Variants in BNC2 observed in about 807,000 individuals in gnomAD.
BNC2 encodes basonuclin zinc finger protein 2, also known as zinc finger protein basonuclin-2.
In BNC2, 20 loss-of-function variants were observed where a neutral mutation model predicts 76.3. The ratio of observed to expected loss-of-function variants is 0.26; its 90% CI spans 0.18 to 0.38. The LOEUF is 0.38. Among genes scored for constraint, BNC2 ranks in the 10% least tolerant of loss-of-function variants. The probability of loss-of-function intolerance (pLI) is 1.00; values close to 1 mark genes in which losing one functional copy is unlikely to be tolerated. For missense variants in BNC2, 1,382 were observed against 1,399.8 expected, an observed-to-expected ratio of 0.99 and a Z score of 0.20; for synonymous variants, 582 against 514.8, an observed-to-expected ratio of 1.13 and a Z score of -1.77.
At chr9:16,780,929 C>G (rs1025736853) in intron 1 of BNC2, among the ~76,000 whole-genome samples, 6 of 151,932 alleles carry the variant, frequency 3.9e-5, no homozygotes, top group Non-Finnish European at 7.4e-5. Flanking sequence ...AATAACAGAT[C>G]TATTCCAATT....
chr9:16,747,937 T>G (rs1004170479), intron 1 of BNC2, among the ~76,000 whole-genome samples: 3 of 152,218 alleles, frequency 2.0e-5, no homozygotes, highest in African/African-American at 7.2e-5. Context: ...ACATTTGCCT[T>G]CTTCCCAGTT....
chr9:16,742,278 A>ATCT (rs1425909918), intron 1 of BNC2, among the ~76,000 whole-genome samples: 2 of 152,222 alleles, frequency 1.3e-5, no homozygotes, highest in Non-Finnish European at 2.9e-5. Context: ...ATGTGGAATA[A>ATCT]TTTCACTTCA....
intron 1 of BNC2, among the ~76,000 whole-genome samples, chr9:16,801,438 A>G (rs138150098): frequency 0.015 from 2,215 of 151,084 alleles, 54 homozygotes; most frequent in African/African-American, 0.051. Context: ...GGGTTTCACC[A>G]TCTTGGCCAG....
chr9:16,678,075 T>C (rs1209525882), intron 3 of BNC2, among the ~76,000 whole-genome samples: 1 of 149,530 alleles, frequency 6.7e-6, no homozygotes, highest in African/African-American at 2.5e-5. Flanking sequence ...AAAGAGAGAA[T>C]AATGGAAAGG....
rs148422965 is a variant in BNC2 at position 16,689,662 on chromosome 9, G to A, written c.330+38135C>T. Among the ~76,000 whole-genome samples, 18 of 152,058 alleles carry A rather than the reference G, an allele frequency of 1.2e-4. No individual in the cohort carries two copies. In the East Asian group the frequency reaches 1.5e-3, roughly 13 times the overall value. On this transcript the variant is annotated intron_variant, in intron 3 of 6. Coordinates refer to ENST00000380672, the MANE Select transcript of BNC2 (RefSeq NM_017637.6). ...TGTAAGTTTAAAAAAAAAAAAAGAGGGAGAGAGATAAACAGAAATAAAGCC... is the reference window on the plus strand; with the variant it reads ...TGTAAGTTTAAAAAAAAAAAAAGAGAGAGAGAGATAAACAGAAATAAAGCC...
At chr9:16,563,373 C>G (rs1819071488) in intron 4 of BNC2, among the ~76,000 whole-genome samples, 1 of 152,120 alleles carries the variant, frequency 6.6e-6, no homozygotes, top group Non-Finnish European at 1.5e-5. Context: ...AATCCTAGCA[C>G]TTTGGGAGGC....
At chr9:16,496,993 G>A (rs1822404620) in intron 5 of BNC2, among the ~76,000 whole-genome samples, 1 of 152,210 alleles carries the variant, frequency 6.6e-6, no homozygotes, top group Non-Finnish European at 1.5e-5. Flanking sequence ...AGATATGCAC[G>A]ATGCTCTTTT....
chr9:16,655,230 T>A (rs1035775546), intron 3 of BNC2, among the ~76,000 whole-genome samples: 1 of 152,140 alleles, frequency 6.6e-6, no homozygotes, highest in Non-Finnish European at 1.5e-5. Context: ...AAATGCTTCA[T>A]GACCATGCTA....
At chr9:16,670,978 A>C (rs1026704641) in intron 3 of BNC2, among the ~76,000 whole-genome samples, 7 of 152,134 alleles carry the variant, frequency 4.6e-5, no homozygotes, top group Admixed American at 2.6e-4. Context: ...GCTTCCTGAC[A>C]ACCTGAAGAC....
At chr9:16,663,961 G>A (rs940215372) in intron 3 of BNC2, among the ~76,000 whole-genome samples, 2 of 152,138 alleles carry the variant, frequency 1.3e-5, no homozygotes, top group Admixed American at 6.5e-5. Flanking sequence ...AAACAAGGGA[G>A]GAGGTAAGCC....
At chr9:16,435,154 C>A in intron 6 of BNC2, 1 of 428,234 alleles carries the variant, frequency 2.3e-6, no homozygotes, top group South Asian at 1.9e-5. Context: ...AATTAAAAAG[C>A]CACATGGCAA....
intron 3 of BNC2, among the ~76,000 whole-genome samples, chr9:16,639,394 C>A (rs1457866808): frequency 2.0e-5 from 3 of 152,180 alleles, no homozygotes; most frequent in African/African-American, 7.2e-5. Context: ...ATGTTTGTTT[C>A]TGTAGACATA....
chr9:16,468,995 A>G (rs1821757438), intron 5 of BNC2, among the ~76,000 whole-genome samples: 1 of 152,346 alleles, frequency 6.6e-6, no homozygotes, highest in South Asian at 2.1e-4. Flanking sequence ...CTGAATGAAT[A>G]TATCTAGTTA....
chr9:16,665,995 A>G (rs1017286149), intron 3 of BNC2, among the ~76,000 whole-genome samples: 5 of 152,178 alleles, frequency 3.3e-5, no homozygotes, highest in Non-Finnish European at 5.9e-5. Flanking sequence ...TTATCTGGTA[A>G]ATTATCCCCA....
chr9:16,588,107 C>T (rs541214805), intron 3 of BNC2, among the ~76,000 whole-genome samples: 2 of 152,262 alleles, frequency 1.3e-5, no homozygotes, highest in African/African-American at 4.8e-5. Context: ...CCCGCTTCCT[C>T]ATCTGTAAAA....
intron 5 of BNC2, among the ~76,000 whole-genome samples, chr9:16,484,990 A>G (rs1291903412): frequency 6.6e-6 from 1 of 152,190 alleles, no homozygotes; most frequent in African/African-American, 2.4e-5. Context: ...CCCTGTGGTT[A>G]TAATTACAAC....
At chr9:16,505,368 G>T (rs1822602244) in intron 5 of BNC2, among the ~76,000 whole-genome samples, 1 of 152,144 alleles carries the variant, frequency 6.6e-6, no homozygotes, top group Non-Finnish European at 1.5e-5. Context: ...ATTCCAGTAT[G>T]CAGTGCTGAT....
chr9:16,482,629 C>G (rs1035835872), intron 5 of BNC2, among the ~76,000 whole-genome samples: 1 of 152,084 alleles, frequency 6.6e-6, no homozygotes, highest in Non-Finnish European at 1.5e-5. Flanking sequence ...TACTTACTTT[C>G]CAACCCCACA....
At chr9:16,678,648 CTT>C (rs79994792) in intron 3 of BNC2, among the ~76,000 whole-genome samples, 2 of 135,152 alleles carry the variant, frequency 1.5e-5, no homozygotes, top group African/African-American at 5.4e-5. Flanking sequence ...GTAACAGTCT[CTT>C]TTTTTTTTTT....
Sources: allele counts gnomAD v4.1 joint callset (sites outside exome capture counted in the v4.1 genomes callset), GRCh38; gene constraint gnomAD v4.1.1; transcripts MANE v1.5; gene names NCBI Gene and HGNC (gene_info 2026-07-23, HGNC 2026-07-21).